Variants in XIRP2 observed in about 807,000 individuals in gnomAD.
XIRP2 encodes the protein xin actin-binding repeat-containing protein 2.
A neutral mutation model predicts 277.0 loss-of-function variants in XIRP2; 236 were observed. The observed-to-expected ratio is 0.85, with a 90% CI of 0.77 to 0.95. The LOEUF (loss-of-function observed/expected upper bound fraction) is 0.95. XIRP2 is among the 40% of genes least tolerant of loss of function. XIRP2 has a pLI of 0.00. For missense variants in XIRP2, 4,640 were observed against 4,157.5 expected, an observed-to-expected ratio of 1.12 and a Z score of -3.19; for synonymous variants, 1,490 against 1,416.5, an observed-to-expected ratio of 1.05 and a Z score of -1.17.
In XIRP2 at chr2:167,196,412, TTGTGTGTGTGTG is replaced by T. The variant is rs71031280; in HGVS notation, c.563-14295_563-14284del. ...TATACATGGTTGGGTGTCAAGAATT[TTGTGTGTGTGTG>T]TGTGTGTGTGTGTGTGTGTGTGTGT... On this transcript the variant is annotated intron_variant, in intron 3 of 10. Transcript: ENST00000409195. Among the ~76,000 whole-genome samples, 321 of 141,890 alleles carry T rather than the reference TTGTGTGTGTGTG, an allele frequency of 2.3e-3. 1 individual carries two copies. The highest frequency in any genetic ancestry group is 3.6e-3 in the South Asian group (15 of 4,218). The allele number at this position is 141,890 out of a possible 152,430, so 93.1% of individuals were successfully genotyped here.
At chr2:167,205,520 A>G (rs1032486916) in intron 3 of XIRP2, among the ~76,000 whole-genome samples, 1 of 152,066 alleles carries the variant, frequency 6.6e-6, no homozygotes, top group African/African-American at 2.4e-5. Flanking sequence ...TACTGTGCTA[A>G]TTAGCATGTA....
rs760762488 is a variant in XIRP2, at chr2:167,259,255, C to T, written c.*1438C>T. 6.2e-7 allele frequency: 1 copy of T among 1,613,282 alleles called. No individual in the cohort carries two copies. Among genetic ancestry groups the T allele is most frequent in the South Asian group, 1.1e-5 (1 of 91,060 alleles). ...AAAACACAGGTTTTGATGCTCTGAGCCATGAATGTACAGCTAAGCCTTTGT... is the reference window on the plus strand; with the variant it reads ...AAAACACAGGTTTTGATGCTCTGAGTCATGAATGTACAGCTAAGCCTTTGT... On this transcript the variant is annotated 3_prime_UTR_variant, in exon 11 of 11. Transcript: ENST00000409195.
At chr2:166,939,632 A>G (rs923919208) in intron 2 of XIRP2, among the ~76,000 whole-genome samples, 3 of 146,300 alleles carry the variant, frequency 2.1e-5, no homozygotes, top group African/African-American at 7.7e-5. Context: ...GTGAGCCGAG[A>G]TCACGCCACT....
At chr2:167,092,353 A>G (rs1327191661) in intron 2 of XIRP2, among the ~76,000 whole-genome samples, 10 of 152,038 alleles carry the variant, frequency 6.6e-5, no homozygotes, top group Non-Finnish European at 1.2e-4. Context: ...TGGTATTTTC[A>G]TGCTTGAGGA....
chr2:167,150,781 A>G (rs1371666532), intron 3 of XIRP2, among the ~76,000 whole-genome samples: 2 of 152,070 alleles, frequency 1.3e-5, no homozygotes, highest in Non-Finnish European at 2.9e-5. Flanking sequence ...TAGCACACCT[A>G]TATGCTTAAG....
chr2:166,998,623 C>A (rs373553227), intron 2 of XIRP2, among the ~76,000 whole-genome samples: 1 of 151,904 alleles, frequency 6.6e-6, no homozygotes, highest in Non-Finnish European at 1.5e-5. Context: ...GGTGAAAGAG[C>A]GAGACTCCAT....
intron 2 of XIRP2, among the ~76,000 whole-genome samples, chr2:167,060,936 T>C (rs933026842): frequency 6.6e-6 from 1 of 152,124 alleles, no homozygotes. Flanking sequence ...TGAGATTGCA[T>C]TGAATTTTCA....
chr2:166,981,685 GC>G lies in XIRP2; in HGVS notation c.408+77797del, dbSNP rs200708567. Among the ~76,000 whole-genome samples, 897 of 152,236 alleles carry G rather than the reference GC, an allele frequency of 5.9e-3. 5 individuals are homozygous for G. The highest frequency in any genetic ancestry group is 0.02 in the African/African-American group (837 of 41,554). On this transcript the variant is annotated intron_variant, in intron 2 of 10. Coordinates refer to ENST00000409195, the MANE Select transcript of XIRP2 (RefSeq NM_152381.6). ...CAAAGTGCTGGGCTTACAGGCATGAGCCACCGCACCCAGTTCCTTCTCCTCT... is the reference window on the plus strand; with the variant it reads ...CAAAGTGCTGGGCTTACAGGCATGAGCACCGCACCCAGTTCCTTCTCCTCT...
chr2:167,170,393 T>C (rs187237148), intron 3 of XIRP2, among the ~76,000 whole-genome samples: 1 of 152,304 alleles, frequency 6.6e-6, no homozygotes, highest in Admixed American at 6.5e-5. Flanking sequence ...TATTTCTTTA[T>C]TACATCTTTG....
At chr2:166,960,506 T>A (rs1686272792) in intron 2 of XIRP2, among the ~76,000 whole-genome samples, 1 of 151,716 alleles carries the variant, frequency 6.6e-6, no homozygotes, top group South Asian at 2.1e-4. Flanking sequence ...ATGCAAAGAC[T>A]CTTGGAAAGG....
rs1236514521 is a variant in XIRP2, at chr2:167,240,670, C to T, written c.976C>T (p.His326Tyr). The change falls in exon 7 of 11, where the codon CAT (histidine) becomes TAT (tyrosine). Residue 326 changes from histidine to tyrosine, a missense_variant. Physicochemically the swap from His to Tyr is moderately conservative, Grantham distance 83 (BLOSUM62 2). Transcript: ENST00000409195. ...AAATTCTCTTTAAATACAGGTCTCT[C>T]ATCTTGAAAAGCACACCGAGGAAGT... is the stretch of plus-strand genomic sequence containing the variant. ...IDVHGTEMVS[H>Y]LEKHTEEVNQ... The T allele has an allele frequency of 1.9e-6, 3 of 1,613,584 alleles. No individual in the cohort carries two copies. Among genetic ancestry groups the T allele is most frequent in the African/African-American group, 2.7e-5 (2 of 75,000 alleles).
rs1375879366 is a variant in XIRP2, at chr2:166,903,747, G to T, written c.265G>T (p.Glu89Ter). ...TGTGGACAAGAGTAACAACACCAGG[G>T]AATATGGTCGGCCAGAAGTGCTGAA... ...DSVDKSNNTR[E>*]YGRPEVLKED... The change falls in exon 2 of 11, where the codon GAA becomes TAA. Residue 89 changes from glutamate to a stop codon, truncating the protein, a stop_gained. Transcript: ENST00000409195. LOFTEE classifies it high-confidence loss of function. 2 of 1,613,674 alleles carry T rather than the reference G, an allele frequency of 1.2e-6. No homozygotes were observed. Among genetic ancestry groups the T allele is most frequent in the South Asian group, 2.2e-5 (2 of 91,082 alleles).
At chr2:167,199,610 G>T (rs1265300798) in intron 3 of XIRP2, among the ~76,000 whole-genome samples, 2 of 152,152 alleles carry the variant, frequency 1.3e-5, no homozygotes, top group Admixed American at 1.3e-4. Flanking sequence ...TATTCTGGAG[G>T]CCATAATTGT....
intron 2 of XIRP2, among the ~76,000 whole-genome samples, chr2:166,905,581 T>C (rs995831378): frequency 2.6e-5 from 4 of 152,106 alleles, no homozygotes; most frequent in Non-Finnish European, 5.9e-5. Context: ...ATATGTAACA[T>C]ACTGTTTTAA....
chr2:167,032,855 AT>A (rs1688403651), intron 2 of XIRP2, among the ~76,000 whole-genome samples: 1 of 152,204 alleles, frequency 6.6e-6, no homozygotes, highest in Non-Finnish European at 1.5e-5. Context: ...TGGAATGCAA[AT>A]TAGTTCAACC....
intron 2 of XIRP2, among the ~76,000 whole-genome samples, chr2:167,056,341 T>C (rs957070987): frequency 2.6e-5 from 4 of 152,160 alleles, no homozygotes; most frequent in African/African-American, 9.7e-5. Flanking sequence ...TGCTGGTTGA[T>C]TTACGTGGTT....
chr2:167,153,569 C>T (rs1179868806), intron 3 of XIRP2, among the ~76,000 whole-genome samples: 1 of 151,966 alleles, frequency 6.6e-6, no homozygotes, highest in African/African-American at 2.4e-5. Flanking sequence ...TCCCCCCACC[C>T]CACAACAGTC....
rs551945352 is a variant in XIRP2 at position 166,975,651 on chromosome 2, C to T, written c.408+71761C>T. Among the ~76,000 whole-genome samples, 191 of 152,154 alleles carry T rather than the reference C, an allele frequency of 1.3e-3. 2 individuals carry two copies. In the Middle Eastern group the frequency reaches 0.024, roughly 19 times the overall value. On this transcript the variant is annotated intron_variant, in intron 2 of 10. Coordinates refer to ENST00000409195, the MANE Select transcript of XIRP2 (RefSeq NM_152381.6). ...TTTAAAACTGTTCATTGTGGCCGGG[C>T]GCGGTGGCTCACGCCTGTAATCCCA...
chr2:166,975,855 C>T (rs958188636), intron 2 of XIRP2, among the ~76,000 whole-genome samples: 1 of 143,772 alleles, frequency 7.0e-6, no homozygotes, highest in Non-Finnish European at 1.5e-5. Context: ...GGCGTGAACC[C>T]TGGAGGCGGA....
Sources: allele counts gnomAD v4.1 joint callset (sites outside exome capture counted in the v4.1 genomes callset), GRCh38; gene constraint gnomAD v4.1.1; transcripts MANE v1.5; gene names NCBI Gene and HGNC (gene_info 2026-07-23, HGNC 2026-07-21).